Variants in CGGBP1 observed in about 807,000 individuals in gnomAD.
The protein encoded by CGGBP1 is CGG triplet repeat-binding protein 1.
Under a neutral mutation model 11.4 loss-of-function variants are expected in CGGBP1, and 4 were observed. The ratio of observed to expected loss-of-function variants is 0.35; its 90% CI spans 0.17 to 0.80. CGGBP1 has a LOEUF of 0.80. Among genes scored for constraint, CGGBP1 ranks in the 30% least tolerant of loss-of-function variants. The pLI, the probability that CGGBP1 is intolerant of heterozygous loss-of-function variation, is 0.52. For missense variants in CGGBP1, 135 were observed against 202.1 expected, an observed-to-expected ratio of 0.67 and a Z score of 2.01; for synonymous variants, 76 against 74.1, an observed-to-expected ratio of 1.03 and a Z score of -0.13.
intron 2 of CGGBP1, among the ~76,000 whole-genome samples, chr3:88,110,099 GT>G (rs1704998896): frequency 6.6e-6 from 1 of 152,150 alleles, no homozygotes; most frequent in Non-Finnish European, 1.5e-5. Flanking sequence ...GTTGTACTAT[GT>G]TATTAATCAG....
rs1417835638 is a variant in CGGBP1, at chr3:88,136,790, T to C, written c.-229+4180A>G. Among the ~76,000 whole-genome samples, 3 of 152,112 alleles carry C rather than the reference T, an allele frequency of 2.0e-5. No homozygotes were observed. In the East Asian group the frequency reaches 5.8e-4, roughly 29 times the overall value. On this transcript the variant is annotated intron_variant, in intron 2 of 3. Transcript: ENST00000462901. ...TGAACAAATTGAAAATTCATAAATA[T>C]CCTGGAACCATCAAAAGATTTCAGG...
At chr3:88,097,428 C>G (rs1032273913) in intron 2 of CGGBP1, among the ~76,000 whole-genome samples, 28 of 151,552 alleles carry the variant, frequency 1.8e-4, no homozygotes, top group African/African-American at 6.5e-4. Context: ...ATCAATGAGA[C>G]AGAAGGTTAA....
At chr3:88,064,233 T>C (rs1034994553) in intron 2 of CGGBP1, among the ~76,000 whole-genome samples, 8 of 152,160 alleles carry the variant, frequency 5.3e-5, no homozygotes, top group African/African-American at 1.9e-4. Context: ...TATTTACCTC[T>C]ATATTTATAA....
At chr3:88,071,312 C>T (rs921698870) in intron 2 of CGGBP1, among the ~76,000 whole-genome samples, 5 of 151,768 alleles carry the variant, frequency 3.3e-5, no homozygotes, top group Non-Finnish European at 7.4e-5. Context: ...GAGTTTGAGA[C>T]CAGCCTGGCC....
At chr3:88,103,223 T>TC (rs1187906647) in intron 2 of CGGBP1, among the ~76,000 whole-genome samples, 1 of 152,044 alleles carries the variant, frequency 6.6e-6, no homozygotes, top group African/African-American at 2.4e-5. Flanking sequence ...TAGAACTAGA[T>TC]CCCGATATAA....
At chr3:88,097,792 A>G (rs1252315900) in intron 2 of CGGBP1, among the ~76,000 whole-genome samples, 4 of 152,214 alleles carry the variant, frequency 2.6e-5, no homozygotes. Context: ...AATGAGAACA[A>G]AGACACAACA....
rs760980508 is a variant in CGGBP1 at position 88,140,515 on chromosome 3, C to T, written c.-229+455G>A. ...AATGGAAACGAACGTTCTGATGACA[C>T]TGTTTCAAATATAAGCTTGATAGAC... is the stretch of plus-strand genomic sequence containing the variant. On this transcript the variant is annotated intron_variant, in intron 2 of 3. Transcript: ENST00000462901. The T allele has an allele frequency of 7.4e-6, 12 of 1,613,618 alleles. No individual in the cohort carries two copies. The East Asian group carries it at 2.7e-4, about 36-fold the overall frequency.
At chr3:88,141,886 T>C in intron 1 of CGGBP1, 1 of 376,760 alleles carries the variant, frequency 2.7e-6, no homozygotes, top group Non-Finnish European at 4.8e-6. Context: ...AACCACATTT[T>C]ACAGTTTATG....
At chr3:88,079,878 T>G (rs1164893533) in intron 2 of CGGBP1, among the ~76,000 whole-genome samples, 2 of 152,084 alleles carry the variant, frequency 1.3e-5, no homozygotes, top group African/African-American at 4.8e-5. Flanking sequence ...TTAGGTTGCT[T>G]GCTACTGTAG....
chr3:88,081,729 A>G (rs1345320344), intron 2 of CGGBP1, among the ~76,000 whole-genome samples: 6 of 152,154 alleles, frequency 3.9e-5, no homozygotes, highest in East Asian at 1.9e-4. Flanking sequence ...TGGCACCACA[A>G]CAAGTTCCAG....
At chr3:88,058,624 G>A (rs958602658) in intron 1 of CGGBP1, among the ~76,000 whole-genome samples, 191 bp downstream of exon 1, 3 of 152,252 alleles carry the variant, frequency 2.0e-5, no homozygotes, top group African/African-American at 4.8e-5. Flanking sequence ...CTTGGCGGCA[G>A]TCTCAAGGGA....
chr3:88,141,274 G>A (rs1707113046), intron 1 of CGGBP1, among the ~76,000 whole-genome samples: 2 of 151,990 alleles, frequency 1.3e-5, no homozygotes, highest in South Asian at 4.1e-4. Flanking sequence ...TTTGCATAGG[G>A]CTTTGCCTAT....
At chr3:88,119,550 A>T (rs537509387) in intron 2 of CGGBP1, among the ~76,000 whole-genome samples, 203 of 140,112 alleles carry the variant, frequency 1.4e-3, no homozygotes, top group Non-Finnish European at 2.2e-3. Flanking sequence ...ATAATAAATT[A>T]AAAAAAAAAA....
intron 2 of CGGBP1, among the ~76,000 whole-genome samples, chr3:88,078,483 TACA>T (rs1707926141): frequency 6.6e-6 from 1 of 152,166 alleles, no homozygotes; most frequent in African/African-American, 2.4e-5. Flanking sequence ...GATTTGAAGA[TACA>T]AATAACTGAA....
intron 1 of CGGBP1, among the ~76,000 whole-genome samples, chr3:88,146,837 A>C (rs1424782319): frequency 6.6e-6 from 1 of 151,954 alleles, no homozygotes; most frequent in Admixed American, 6.6e-5. Flanking sequence ...CTCCCCCAGC[A>C]TTCCTCCTCT....
chr3:88,067,312 T>A (rs1707254090), intron 2 of CGGBP1, among the ~76,000 whole-genome samples: 1 of 152,196 alleles, frequency 6.6e-6, no homozygotes, highest in Admixed American at 6.5e-5. Context: ...TCGTTTGGTT[T>A]GATATGTTGA....
intron 1 of CGGBP1, among the ~76,000 whole-genome samples, chr3:88,146,393 G>A (rs1173282150): frequency 6.6e-6 from 1 of 152,178 alleles, no homozygotes; most frequent in African/African-American, 2.4e-5. Flanking sequence ...TGGGTGAATG[G>A]ATACTTTAGT....
exon 1 of CGGBP1, chr3:88,149,739 C>T (rs1456691408): frequency 1.9e-5 from 4 of 206,808 alleles, no homozygotes; most frequent in Admixed American, 5.6e-5. Context: ...CCAAGGCGCT[C>T]TTTTGGAGGA....
intron 2 of CGGBP1, among the ~76,000 whole-genome samples, chr3:88,087,475 A>G (rs1391875376): frequency 1.3e-5 from 2 of 152,216 alleles, no homozygotes; most frequent in Non-Finnish European, 2.9e-5. Context: ...AGAACCCACT[A>G]AAATTATAGT....
Sources: gnomAD v4.1 joint callset for allele counts (sites outside exome capture counted in the v4.1 genomes callset) on GRCh38, gnomAD v4.1.1 for gene constraint, MANE v1.5 for transcripts, NCBI Gene and HGNC (gene_info 2026-07-23, HGNC 2026-07-21) for gene names.